Variants in ARHGAP35 observed in about 807,000 individuals in gnomAD.
ARHGAP35 encodes Rho GTPase activating protein 35.
Under a neutral mutation model 111.1 loss-of-function variants are expected in ARHGAP35, and 15 were observed. The observed-to-expected ratio is 0.13, with a 90% confidence interval of 0.09 to 0.21. The LOEUF (loss-of-function observed/expected upper bound fraction) is 0.21. Ranked by LOEUF, ARHGAP35 falls within the 10% of genes least tolerant of loss-of-function variation. The pLI, the probability that ARHGAP35 is intolerant of heterozygous loss-of-function variation, is 1.00. For missense variants in ARHGAP35, 1,262 were observed against 1,873.0 expected, an observed-to-expected ratio of 0.67 and a Z score of 6.02; for synonymous variants, 643 against 710.3, an observed-to-expected ratio of 0.91 and a Z score of 1.51.
chr19:46,979,988 A>G (rs913123770), intron 3 of ARHGAP35, among the ~76,000 whole-genome samples: 64 of 152,168 alleles, frequency 4.2e-4, no homozygotes, highest in Admixed American at 4.2e-3. Context: ...TGTGATTTCA[A>G]TAGTAGCGCT....
At position 47,001,696 on chromosome 19, in the gene ARHGAP35, A is replaced by G. The variant is rs965173517; in HGVS notation, c.*1008A>G. The G allele has an allele frequency of 1.2e-5, 4 of 338,956 alleles. No homozygotes were observed. Among genetic ancestry groups the G allele is most frequent in the Non-Finnish European group, 2.3e-5 (4 of 172,976 alleles). The allele number at this position is 338,956 out of a possible 1,614,324, so 21.0% of individuals were successfully genotyped here. On this transcript the variant is annotated 3_prime_UTR_variant, in exon 7 of 7. Transcript: ENST00000672722. This position sits in a 1 kb window ranked among gnomAD's most constrained non-coding sequence, Gnocchi z 5.4. ...CCTGGGCTGCCCCAGAACACAGTCC[A>G]TTACGATAGAAACACTAATTGAGCA...
chr19:46,899,208 G>A (rs1261412190), intron 1 of ARHGAP35, among the ~76,000 whole-genome samples: 1 of 152,160 alleles, frequency 6.6e-6, no homozygotes, highest in Non-Finnish European at 1.5e-5. Context: ...TCAGAGAGGT[G>A]GAGAAGAGGC....
chr19:46,930,099 G>A (rs1372614939), intron 2 of ARHGAP35, among the ~76,000 whole-genome samples: 1 of 151,930 alleles, frequency 6.6e-6, no homozygotes, highest in Non-Finnish European at 1.5e-5. Context: ...AGACATGGTG[G>A]CTCACACTTG....
chr19:46,877,108 G>T (rs1028851077), intron 1 of ARHGAP35, among the ~76,000 whole-genome samples: 1 of 151,798 alleles, frequency 6.6e-6, no homozygotes, highest in Admixed American at 6.6e-5. Context: ...AATTAGTCAG[G>T]CGTGGTGGCG....
chr19:46,877,777 G>A (rs951448718), intron 1 of ARHGAP35, among the ~76,000 whole-genome samples: 1 of 151,866 alleles, frequency 6.6e-6, no homozygotes, highest in Non-Finnish European at 1.5e-5. Flanking sequence ...TGCCATCTCA[G>A]CTCACTGCAA....
Position 47,004,164 on chromosome 19 carries a change from G to GC in ARHGAP35, c.*3476_*3477insC, listed in dbSNP as rs1568494024. On this transcript the variant is annotated 3_prime_UTR_variant, in exon 7 of 7. Coordinates refer to ENST00000672722, the MANE Select transcript of ARHGAP35 (RefSeq NM_004491.5). The stretch of plus-strand genomic sequence containing the variant: ...CAGCGCAGGGATCCGGGGAAGCTGC[G>GC]GCAGGGAGCGGGCGCCGGCTTCGTG... 1 of 152,114 alleles carries GC rather than the reference G, an allele frequency of 6.6e-6. No individual in the cohort carries two copies. 9.4% of individuals were successfully genotyped at this position (152,114 alleles called of 1,614,324 possible).
intron 3 of ARHGAP35, among the ~76,000 whole-genome samples, chr19:46,971,037 C>T (rs1425063292): frequency 6.6e-6 from 1 of 152,174 alleles, no homozygotes; most frequent in African/African-American, 2.4e-5. Flanking sequence ...TAGCAACCAA[C>T]AAACTGTTTC....
intron 1 of ARHGAP35, among the ~76,000 whole-genome samples, chr19:46,882,254 C>T (rs571398295): frequency 5.3e-5 from 8 of 151,606 alleles, no homozygotes; most frequent in Admixed American, 2.0e-4. Context: ...CCACCTCAAC[C>T]CCCCCAGGTT....
chr19:46,866,248 A>G (rs2055856139), intron 1 of ARHGAP35, among the ~76,000 whole-genome samples: 1 of 152,170 alleles, frequency 6.6e-6, no homozygotes, highest in African/African-American at 2.4e-5. Flanking sequence ...TAAAATTGAG[A>G]TTCTTTGCAT....
At chr19:46,936,413 C>G (rs1243781241) in intron 2 of ARHGAP35, among the ~76,000 whole-genome samples, 3 of 152,080 alleles carry the variant, frequency 2.0e-5, no homozygotes, top group Non-Finnish European at 4.4e-5. Context: ...TCGACTTTAC[C>G]TTTTCCTAAT....
chr19:46,973,927 C>T (rs1310672486), intron 3 of ARHGAP35, among the ~76,000 whole-genome samples: 1 of 151,852 alleles, frequency 6.6e-6, no homozygotes, highest in Non-Finnish European at 1.5e-5. Flanking sequence ...ACCCAGGAGG[C>T]GGAGGCTGCA....
intron 3 of ARHGAP35, among the ~76,000 whole-genome samples, chr19:46,970,921 G>A (rs189761955): frequency 1.5e-3 from 222 of 152,268 alleles, no homozygotes; most frequent in African/African-American, 5.1e-3. Context: ...GGGCCCCAAA[G>A]TGATTATAAC....
intron 1 of ARHGAP35, among the ~76,000 whole-genome samples, chr19:46,884,683 T>C (rs2055984111): frequency 6.6e-6 from 1 of 151,794 alleles, no homozygotes; most frequent in Non-Finnish European, 1.5e-5. Context: ...GATGGAGTTT[T>C]GCCATGTTGC....
chr19:46,962,788 A>G (rs1451799244), intron 3 of ARHGAP35, among the ~76,000 whole-genome samples: 3 of 151,898 alleles, frequency 2.0e-5, no homozygotes, highest in Non-Finnish European at 4.4e-5. Flanking sequence ...TAATTTTTGT[A>G]TTTTTAGTAG....
At chr19:46,899,959 T>C (rs995241474) in intron 1 of ARHGAP35, among the ~76,000 whole-genome samples, 1 of 152,160 alleles carries the variant, frequency 6.6e-6, no homozygotes, top group African/African-American at 2.4e-5. Context: ...TTTTAACTGA[T>C]GTACCTGTCA....
intron 1 of ARHGAP35, among the ~76,000 whole-genome samples, chr19:46,915,763 A>T (rs1330114261): frequency 6.6e-6 from 1 of 152,172 alleles, no homozygotes; most frequent in Non-Finnish European, 1.5e-5. Flanking sequence ...GGAGTATCTA[A>T]GTAAACTGAA....
At chr19:46,873,929 G>A (rs918144573) in intron 1 of ARHGAP35, among the ~76,000 whole-genome samples, 1 of 151,994 alleles carries the variant, frequency 6.6e-6, no homozygotes, top group East Asian at 1.9e-4. Flanking sequence ...TGTATTTTTA[G>A]TAGAGACGGG....
At chr19:46,891,906 C>T (rs746605584) in intron 1 of ARHGAP35, among the ~76,000 whole-genome samples, 16 of 151,960 alleles carry the variant, frequency 1.1e-4, no homozygotes, top group East Asian at 9.7e-4. Flanking sequence ...TTTGGGAAGC[C>T]GAGGCAGGCA....
intron 2 of ARHGAP35, among the ~76,000 whole-genome samples, chr19:46,935,802 C>A (rs567954452): frequency 2.0e-5 from 3 of 152,104 alleles, no homozygotes; most frequent in Non-Finnish European, 4.4e-5. Flanking sequence ...AAGTGTATTT[C>A]TTTGGCTTTA....
Sources: allele counts gnomAD v4.1 joint callset (sites outside exome capture counted in the v4.1 genomes callset), GRCh38; gene constraint gnomAD v4.1.1; non-coding constraint Gnocchi (gnomAD v3.1); transcripts MANE v1.5; gene names NCBI Gene and HGNC (gene_info 2026-07-23, HGNC 2026-07-21).